The following FOXK2 variants were observed in gnomAD, a reference collection of about 807,000 sequenced individuals.
FOXK2 encodes the protein forkhead box K2, also known as forkhead box protein K2.
FOXK2 carries 24 observed loss-of-function variants against 53.3 expected under a neutral mutation model. The ratio of observed to expected loss-of-function variants is 0.45; its 90% CI spans 0.33 to 0.63. The LOEUF is 0.63. Ranked by LOEUF, FOXK2 falls within the 30% of genes least tolerant of loss-of-function variation. FOXK2 has a pLI of 0.03. For synonymous variants in FOXK2, 505 were observed against 407.1 expected, an observed-to-expected ratio of 1.24 and a Z score of -2.89; for missense variants, 952 against 910.5, an observed-to-expected ratio of 1.05 and a Z score of -0.59.
At chr17:82,552,879 T>G (rs2044689875) in intron 1 of FOXK2, among the ~76,000 whole-genome samples, 2 of 152,064 alleles carry the variant, frequency 1.3e-5, no homozygotes, top group Non-Finnish European at 2.9e-5. Context: ...ACCGGAGAGG[T>G]GCTCTGTAGG....
chr17:82,563,640 G>GGA (rs2044822085), intron 2 of FOXK2, 92 bp downstream of exon 2: 3 of 1,146,482 alleles, frequency 2.6e-6, no homozygotes, highest in Admixed American at 2.8e-5. Flanking sequence ...TGACTTATGT[G>GGA]GAGAGAGAGA....
chr17:82,595,699 T>G (rs1328583444), intron 8 of FOXK2: 1 of 1,165,438 alleles, frequency 8.6e-7, no homozygotes, highest in African/African-American at 1.6e-5. Context: ...GTCCCTGTTA[T>G]TAAGCCTGTG....
chr17:82,600,815 G>A, intron 8 of FOXK2: 1 of 155,960 alleles, frequency 6.4e-6, no homozygotes, highest in South Asian at 1.9e-4. Flanking sequence ...CCTTCTGTGT[G>A]GAAATGGTCC....
intron 1 of FOXK2, among the ~76,000 whole-genome samples, chr17:82,536,772 G>A (rs2044524708): frequency 6.6e-6 from 1 of 152,224 alleles, no homozygotes; most frequent in Non-Finnish European, 1.5e-5. Context: ...TGAGGCCTCT[G>A]AATGTCCTGA....
chr17:82,575,674 T>C (rs1394320595), intron 4 of FOXK2, among the ~76,000 whole-genome samples: 2 of 152,326 alleles, frequency 1.3e-5, no homozygotes, highest in African/African-American at 4.8e-5. Context: ...GGAACTTTTA[T>C]GTAGAGGACG....
At chr17:82,536,968 A>G (rs1030769952) in intron 1 of FOXK2, among the ~76,000 whole-genome samples, 1 of 152,254 alleles carries the variant, frequency 6.6e-6, no homozygotes, top group Non-Finnish European at 1.5e-5. Flanking sequence ...CAGACACATT[A>G]GAACAGACAC....
At chr17:82,571,457 C>T (rs913363918) in intron 3 of FOXK2, among the ~76,000 whole-genome samples, 11 of 152,006 alleles carry the variant, frequency 7.2e-5, no homozygotes, top group Admixed American at 5.9e-4. Context: ...AAAAATTAGC[C>T]GGGCGCGGTG....
chr17:82,541,933 T>C (rs1468391915), intron 1 of FOXK2, among the ~76,000 whole-genome samples: 1 of 151,218 alleles, frequency 6.6e-6, no homozygotes, highest in Non-Finnish European at 1.5e-5. Context: ...CAGGCTGGAG[T>C]GCAGTGACAC....
Position 82,563,495 on chromosome 17 carries a change from A to G in FOXK2, c.561A>G (p.Pro187=), listed in dbSNP as rs2044819958. 1 of 1,614,052 alleles carries G rather than the reference A, an allele frequency of 6.2e-7. No individual in the cohort carries two copies. Among genetic ancestry groups the G allele is most frequent in the Non-Finnish European group, 8.5e-7 (1 of 1,180,004 alleles). ...TCTCGCCCCTGACCATCAACATTCC[A>G]GACACCATGGCCCACCTCATCAGCC... ...PHISPLTINI[P]DTMAHLISPL... is the part of the protein sequence containing the mutation. Residue 187 remains proline, a synonymous_variant, in exon 2 of 9, where the codon CCA becomes CCG. Transcript: ENST00000335255.
chr17:82,584,326 C>T (rs1253275322), intron 6 of FOXK2, 138 bp downstream of exon 6: 2 of 875,444 alleles, frequency 2.3e-6, no homozygotes, highest in East Asian at 2.9e-5. Context: ...ATTTTATAGG[C>T]CTTGGAAAAC....
chr17:82,588,485 C>A, intron 8 of FOXK2: 1 of 161,928 alleles, frequency 6.2e-6, no homozygotes, highest in South Asian at 1.4e-4. Context: ...GGAGGGCAGG[C>A]GGTTGGAGGG....
At chr17:82,530,454 A>G (rs552987353) in intron 1 of FOXK2, among the ~76,000 whole-genome samples, 2 of 143,412 alleles carry the variant, frequency 1.4e-5, no homozygotes, top group East Asian at 4.0e-4. Flanking sequence ...CTAAAAAAAA[A>G]AAAAAAAAAA....
intron 1 of FOXK2, among the ~76,000 whole-genome samples, chr17:82,540,814 G>C (rs182193360): frequency 2.0e-4 from 31 of 152,330 alleles, no homozygotes; most frequent in Admixed American, 1.6e-3. Flanking sequence ...TGACAGCTGA[G>C]GTCCCATATC....
At chr17:82,558,560 C>T (rs903022477) in intron 1 of FOXK2, among the ~76,000 whole-genome samples, 4 of 152,198 alleles carry the variant, frequency 2.6e-5, no homozygotes, top group Non-Finnish European at 5.9e-5. Flanking sequence ...CTACTGCCCC[C>T]ACAGGGGAGG....
chr17:82,563,584 A>G, intron 2 of FOXK2, 36 bp downstream of exon 2: 1 of 1,574,752 alleles, frequency 6.4e-7, no homozygotes, highest in East Asian at 2.3e-5. Context: ...GAGCATCCTT[A>G]GTCCCAGTGG....
chr17:82,570,599 G>C (rs1166165837), intron 3 of FOXK2, among the ~76,000 whole-genome samples: 1 of 151,818 alleles, frequency 6.6e-6, no homozygotes, highest in Non-Finnish European at 1.5e-5. Flanking sequence ...CTTGCCTCCT[G>C]TCTGTCAGCC....
At chr17:82,552,802 C>G (rs1432184925) in intron 1 of FOXK2, among the ~76,000 whole-genome samples, 2 of 152,134 alleles carry the variant, frequency 1.3e-5, no homozygotes, top group Non-Finnish European at 2.9e-5. Flanking sequence ...AAACAGGGCT[C>G]TGGAGTGCAG....
At chr17:82,586,656 C>T (rs1042421249) in intron 7 of FOXK2, among the ~76,000 whole-genome samples, 1 of 151,940 alleles carries the variant, frequency 6.6e-6, no homozygotes, top group South Asian at 2.1e-4. Context: ...AATCCCAGCA[C>T]TATGGGGGGC....
At chr17:82,534,871 T>C (rs1244395388) in intron 1 of FOXK2, among the ~76,000 whole-genome samples, 1 of 152,246 alleles carries the variant, frequency 6.6e-6, no homozygotes, top group Non-Finnish European at 1.5e-5. Flanking sequence ...CTGTTAATTA[T>C]TGAGTGCTGA....
Sources: gnomAD v4.1 joint callset for allele counts (sites outside exome capture counted in the v4.1 genomes callset) on GRCh38, gnomAD v4.1.1 for gene constraint, MANE v1.5 for transcripts, NCBI Gene and HGNC (gene_info 2026-07-23, HGNC 2026-07-21) for gene names.